Variants in SLC44A1 observed in about 807,000 individuals in gnomAD.
The protein encoded by SLC44A1 is choline transporter-like protein 1.
A neutral mutation model predicts 79.3 loss-of-function variants in SLC44A1; 26 were observed. The ratio of observed to expected loss-of-function variants is 0.33; its 90% CI spans 0.24 to 0.46. The LOEUF (loss-of-function observed/expected upper bound fraction) is 0.46, where lower values mean the gene tolerates loss of function less well. Among genes scored for constraint, SLC44A1 ranks in the 20% least tolerant of loss-of-function variants. SLC44A1 has a pLI of 1.00. For synonymous variants in SLC44A1, 263 were observed against 286.2 expected (o/e 0.92, Z 0.82); for missense variants, 688 against 798.1 (o/e 0.86, Z 1.66).
At chr9:105,402,944 T>C (rs1325866547) in intron 15 of SLC44A1, among the ~76,000 whole-genome samples, 2 of 149,524 alleles carry the variant, frequency 1.3e-5, no homozygotes, top group African/African-American at 5.0e-5. Flanking sequence ...CTAGAATAGC[T>C]GAGACTACAG....
At chr9:105,304,567 C>T (rs1830967010) in intron 2 of SLC44A1, among the ~76,000 whole-genome samples, 1 of 152,124 alleles carries the variant, frequency 6.6e-6, no homozygotes, top group South Asian at 2.1e-4. Context: ...GAACTTCTCC[C>T]TGCAAGTATA....
At chr9:105,307,720 C>T (rs898690475) in intron 2 of SLC44A1, among the ~76,000 whole-genome samples, 1 of 151,878 alleles carries the variant, frequency 6.6e-6, no homozygotes, top group African/African-American at 2.4e-5. Flanking sequence ...CCAGTTTTTA[C>T]TCAGCACAGG....
At chr9:105,376,000 C>T (rs1233040171) in intron 13 of SLC44A1, among the ~76,000 whole-genome samples, 17 of 151,904 alleles carry the variant, frequency 1.1e-4, no homozygotes, top group Non-Finnish European at 1.8e-4. Flanking sequence ...ATACATTTTC[C>T]ATCTTGTTTT....
chr9:105,247,738 A>C (rs558523818), intron 1 of SLC44A1, among the ~76,000 whole-genome samples: 8 of 152,192 alleles, frequency 5.3e-5, no homozygotes, highest in Admixed American at 5.2e-4. Context: ...TGTACTTAAT[A>C]GTTGCTCAGC....
At chr9:105,386,580 C>CTT in intron 15 of SLC44A1, 7 of 215,132 alleles carry the variant, frequency 3.3e-5, no homozygotes, top group Non-Finnish European at 4.6e-5. Flanking sequence ...GATTTTTTGC[C>CTT]TTTTTTTTTT....
Position 105,244,835 on chromosome 9 carries a change from C to G in SLC44A1, c.-34C>G. On this transcript the variant is annotated 5_prime_UTR_variant, in exon 1 of 16. Coordinates refer to ENST00000374720, the MANE Select transcript of SLC44A1 (RefSeq NM_080546.5). Reference sequence around the variant, plus strand: ...AGGGGCTCCGGGGCGTAGCTGCGCGCCCGGCGCCGCCTCCGGGCTCCTTCG... The same window carrying G: ...AGGGGCTCCGGGGCGTAGCTGCGCGGCCGGCGCCGCCTCCGGGCTCCTTCG... 9.0e-7 allele frequency: 1 copy of G among 1,107,286 alleles called. No homozygotes were observed. The highest frequency in any genetic ancestry group is 4.3e-5 in the South Asian group (1 of 23,240). 68.6% of individuals were successfully genotyped at this position (1,107,286 alleles called of 1,614,324 possible).
intron 1 of SLC44A1, among the ~76,000 whole-genome samples, chr9:105,274,167 T>TA (rs1396734851): frequency 1.3e-5 from 2 of 152,218 alleles, no homozygotes; most frequent in African/African-American, 4.8e-5. Context: ...ATTCACTAGA[T>TA]AAACCACTAA....
chr9:105,352,490 T>TA lies in SLC44A1; in HGVS notation c.501-3718dup, dbSNP rs1055153324. Among the ~76,000 whole-genome samples the TA allele has an allele frequency of 1.6e-3, 247 of 152,328 alleles. 2 individuals carry two copies. The highest frequency in any genetic ancestry group is 5.7e-3 in the African/African-American group (239 of 41,584). Reference sequence around the variant, plus strand: ...ATATGAGGGACTAATTAAAAATTTTTAAAAGACTCATTATAAGTTCATTTT... The same window carrying TA: ...ATATGAGGGACTAATTAAAAATTTTTAAAAAGACTCATTATAAGTTCATTTT... On this transcript the variant is annotated intron_variant, in intron 5 of 15. Coordinates refer to ENST00000374720, the MANE Select transcript of SLC44A1 (RefSeq NM_080546.5).
At chr9:105,246,541 C>T (rs1399603046) in intron 1 of SLC44A1, among the ~76,000 whole-genome samples, 1 of 152,038 alleles carries the variant, frequency 6.6e-6, no homozygotes, top group East Asian at 1.9e-4. Flanking sequence ...TCAGAGTTTT[C>T]ATATTAACAT....
chr9:105,418,168 G>T (rs529234774), intron 15 of SLC44A1, among the ~76,000 whole-genome samples: 1 of 152,124 alleles, frequency 6.6e-6, no homozygotes, highest in South Asian at 2.1e-4. Context: ...CAAAAAATTA[G>T]TCGGGTGTAG....
At chr9:105,410,881 A>G (rs1362233263) in intron 15 of SLC44A1, among the ~76,000 whole-genome samples, 1 of 152,216 alleles carries the variant, frequency 6.6e-6, no homozygotes, top group African/African-American at 2.4e-5. Context: ...TCATACATGC[A>G]ACAACATGGA....
At chr9:105,299,705 G>T in intron 2 of SLC44A1, 1 of 788,700 alleles carries the variant, frequency 1.3e-6, no homozygotes, top group Non-Finnish European at 1.5e-6. Context: ...ATGGGAGGCT[G>T]GTTGCTCACT....
At chr9:105,370,456 G>A (rs955818788) in intron 12 of SLC44A1, among the ~76,000 whole-genome samples, 5 of 152,040 alleles carry the variant, frequency 3.3e-5, no homozygotes, top group African/African-American at 7.2e-5. Flanking sequence ...CTGGACATTC[G>A]ACCCTCACAG....
chr9:105,371,720 CAAAAAAA>C (rs776993058), intron 12 of SLC44A1, among the ~76,000 whole-genome samples: 16 of 94,316 alleles, frequency 1.7e-4, no homozygotes, highest in African/African-American at 1.7e-4. Flanking sequence ...CTCCATCTCA[CAAAAAAA>C]AAAAAAAAAA....
chr9:105,373,742 C>T (rs1828187773), intron 12 of SLC44A1, among the ~76,000 whole-genome samples: 4 of 152,226 alleles, frequency 2.6e-5, no homozygotes, highest in Non-Finnish European at 5.9e-5. Context: ...ACACTGTGAC[C>T]TTCAGCAGCT....
chr9:105,405,190 G>A (rs56919571), intron 15 of SLC44A1, among the ~76,000 whole-genome samples: 4,159 of 152,004 alleles, frequency 0.027, 183 homozygotes, highest in African/African-American at 0.095. Context: ...GTGTGATGGC[G>A]GGCACCTGCA....
chr9:105,384,389 C>T (rs1189162731), intron 14 of SLC44A1, among the ~76,000 whole-genome samples: 2 of 152,080 alleles, frequency 1.3e-5, no homozygotes, highest in Non-Finnish European at 2.9e-5. Flanking sequence ...CCATGTTGGC[C>T]AGGCCGGTCT....
intron 15 of SLC44A1, among the ~76,000 whole-genome samples, chr9:105,407,697 T>C (rs1342811466): frequency 2.8e-5 from 4 of 143,814 alleles, no homozygotes; most frequent in East Asian, 2.1e-4. Flanking sequence ...TGAGGAAGCC[T>C]TGTCTATACT....
chr9:105,390,050 T>A lies in SLC44A1; in HGVS notation c.*994T>A. 1 of 1,293,396 alleles carries A rather than the reference T, an allele frequency of 7.7e-7. No individual in the cohort carries two copies. The highest frequency in any genetic ancestry group is 9.9e-7 in the Non-Finnish European group (1 of 1,014,336). 80.1% of individuals were successfully genotyped at this position (1,293,396 alleles called of 1,614,324 possible). ...TTATTCAAATGCTTGCTATACAATC[T>A]GAAAACACACTGGCAGGTGCTCCTC... On this transcript the variant is annotated 3_prime_UTR_variant, in exon 16 of 16. Transcript: ENST00000374720.
Sources: gnomAD v4.1 joint callset for allele counts (sites outside exome capture counted in the v4.1 genomes callset) on GRCh38, gnomAD v4.1.1 for gene constraint, MANE v1.5 for transcripts, NCBI Gene and HGNC (gene_info 2026-07-23, HGNC 2026-07-21) for gene names.